The following ERGIC1 variants were observed in gnomAD, a reference collection of about 807,000 sequenced individuals.
The protein encoded by ERGIC1 is endoplasmic reticulum-Golgi intermediate compartment protein 1.
A neutral mutation model predicts 38.3 loss-of-function variants in ERGIC1; 19 were observed. That is an observed-to-expected ratio of 0.50 (90% CI 0.35 to 0.73). ERGIC1 has a LOEUF of 0.73. ERGIC1 is among the 30% of genes least tolerant of loss of function. The pLI, the probability that ERGIC1 is intolerant of heterozygous loss-of-function variation, is 0.01. For missense variants in ERGIC1, 294 were observed against 389.2 expected, an observed-to-expected ratio of 0.76 and a Z score of 2.06; for synonymous variants, 124 against 157.6, an observed-to-expected ratio of 0.79 and a Z score of 1.60.
intron 3 of ERGIC1, chr5:172,905,404 G>C (rs373793212): frequency 1.1e-4 from 49 of 453,366 alleles, no homozygotes; most frequent in African/African-American, 8.8e-4. Flanking sequence ...CCTGTTACCG[G>C]CGGGTCTTTG....
chr5:172,884,106 C>G (rs1434827147), intron 1 of ERGIC1, among the ~76,000 whole-genome samples: 1 of 152,148 alleles, frequency 6.6e-6, no homozygotes, highest in Non-Finnish European at 1.5e-5. Context: ...CTGTCTTTAT[C>G]AAAGTTTTGA....
At chr5:172,867,538 C>T (rs573358721) in intron 1 of ERGIC1, 33 of 446,088 alleles carry the variant, frequency 7.4e-5, no homozygotes, top group African/African-American at 6.0e-4. Flanking sequence ...GACAGCCAGG[C>T]AGGCCTTGGC....
chr5:172,944,907 C>T (rs892589102), intron 9 of ERGIC1, among the ~76,000 whole-genome samples: 12 of 152,270 alleles, frequency 7.9e-5, no homozygotes, highest in East Asian at 1.9e-4. Flanking sequence ...CCCACGCCCC[C>T]GGCTGACACC....
intron 5 of ERGIC1, chr5:172,920,581 G>T (rs1763486192): frequency 1.6e-6 from 1 of 627,000 alleles, no homozygotes; most frequent in Admixed American, 2.5e-5. Context: ...AAGCGTTGCT[G>T]TTTCTTTCTT....
chr5:172,873,613 G>A (rs1762071747), intron 1 of ERGIC1, among the ~76,000 whole-genome samples: 1 of 152,226 alleles, frequency 6.6e-6, no homozygotes, highest in African/African-American at 2.4e-5. Flanking sequence ...GCCCAGTGGG[G>A]AGCTTTGGGG....
intron 1 of ERGIC1, among the ~76,000 whole-genome samples, chr5:172,868,080 C>T (rs879027856): frequency 1.3e-5 from 2 of 152,214 alleles, no homozygotes; most frequent in Admixed American, 6.5e-5. Context: ...TAGTGACAGT[C>T]GCAGCGCTAG....
At chr5:172,878,476 G>C (rs972291389) in intron 1 of ERGIC1, among the ~76,000 whole-genome samples, 11 of 152,200 alleles carry the variant, frequency 7.2e-5, no homozygotes, top group Admixed American at 3.3e-4. Flanking sequence ...GGTTATGAAA[G>C]TGATCCGAGA....
At chr5:172,890,452 G>A (rs538824298) in intron 2 of ERGIC1, among the ~76,000 whole-genome samples, 3 of 152,342 alleles carry the variant, frequency 2.0e-5, no homozygotes, top group African/African-American at 7.2e-5. Flanking sequence ...CAAGTTCATG[G>A]TACTGTACTA....
intron 2 of ERGIC1, among the ~76,000 whole-genome samples, chr5:172,890,774 C>G (rs1276750095): frequency 6.6e-6 from 1 of 152,216 alleles, no homozygotes; most frequent in Non-Finnish European, 1.5e-5. Flanking sequence ...GAACTGCCCC[C>G]CTGATGGTCC....
Position 172,932,507 on chromosome 5 carries a change from T to C in ERGIC1, c.613T>C (p.Tyr205His). Reference sequence around the variant, plus strand: ...TGAGGACAAGAGTGGCAAGCAGCGGTACTCCTACCAGTACACGGTGGCCAA... The same window carrying C: ...TGAGGACAAGAGTGGCAAGCAGCGGCACTCCTACCAGTACACGGTGGCCAA... ...VYEDKSGKQR[Y>H]SYQYTVANKE... Residue 205 changes from tyrosine (Y) to histidine (H), a missense_variant, in exon 8 of 10, where the codon TAC becomes CAC. Tyr to His is a moderately conservative substitution (Grantham distance 83). Transcript: ENST00000393784. 1 of 1,614,146 alleles carries C rather than the reference T, an allele frequency of 6.2e-7. No homozygotes were observed. The highest frequency in any genetic ancestry group is 2.2e-5 in the East Asian group (1 of 44,868).
chr5:172,844,221 C>A (rs6556049), intron 1 of ERGIC1, among the ~76,000 whole-genome samples: 1,633 of 152,316 alleles, frequency 0.011, 17 homozygotes, highest in Non-Finnish European at 0.017. Context: ...GTCACACACT[C>A]AGGCGCCCCT....
chr5:172,924,214 A>C lies in ERGIC1; in HGVS notation c.480+105A>C, dbSNP rs896781755. Reference sequence around the variant, plus strand: ...TGGGCACTAGGAAGAGTTACCGTTAAGGTGACATCTAAGCCAAGCCTGGAA... The same window carrying C: ...TGGGCACTAGGAAGAGTTACCGTTACGGTGACATCTAAGCCAAGCCTGGAA... On this transcript the variant is annotated intron_variant, in intron 6 of 9. Coordinates refer to ENST00000393784, the MANE Select transcript of ERGIC1 (RefSeq NM_001031711.3). 3 of 1,094,546 alleles carry C rather than the reference A, an allele frequency of 2.7e-6. No individual in the cohort carries two copies. In the East Asian group the frequency reaches 7.7e-5, roughly 28 times the overall value. 67.8% of individuals were successfully genotyped at this position (1,094,546 alleles called of 1,614,324 possible). A position where few individuals can be genotyped will look rare whatever the true frequency, so the allele number is the denominator to read the frequency against.
rs35566639 is a variant in ERGIC1, at chr5:172,834,459, G to A, written c.20+26G>A. On this transcript the variant is annotated intron_variant, in intron 1 of 9. Coordinates refer to ENST00000393784, the MANE Select transcript of ERGIC1 (RefSeq NM_001031711.3). This position sits in a 1 kb window ranked among gnomAD's most constrained non-coding sequence, Gnocchi z 4.1. The stretch of plus-strand genomic sequence containing the variant: ...GTGAGTGTGGCGACCCCGGCCAGTC[G>A]GGAGTTCCCTCAGCGGGCAGAGGGA... 325,495 of 1,308,152 alleles carry A rather than the reference G, an allele frequency of 0.25. 41,453 individuals are homozygous for A. Among genetic ancestry groups the A allele is most frequent in the East Asian group, 0.32 (10,192 of 32,088 alleles). 81.0% of individuals were successfully genotyped at this position (1,308,152 alleles called of 1,614,324 possible). A position where few individuals can be genotyped will look rare whatever the true frequency, so the allele number is the denominator to read the frequency against.
chr5:172,932,465 A>C lies in ERGIC1; in HGVS notation c.571A>C (p.Ile191Leu). 6.2e-7 allele frequency: 1 copy of C among 1,614,138 alleles called. No homozygotes were observed. ...PLASHDYILK[I>L]VPTVYEDKSG... is the part of the protein sequence containing the mutation. ...GGCCTCCCACGACTACATCCTGAAG[A>C]TTGTGCCCACGGTTTATGAGGACAA... The change falls in exon 8 of 10, where the codon ATT becomes CTT. Residue 191 changes from isoleucine (I) to leucine (L), a missense_variant. By Grantham distance (5) the Ile-to-Leu change is conservative. This residue lies in a region of ERGIC1 where 109 missense variants were observed against 112.7 expected (regional missense o/e 0.97). Transcript: ENST00000393784.
At chr5:172,892,214 T>G (rs1053472327) in intron 2 of ERGIC1, among the ~76,000 whole-genome samples, 6 of 152,156 alleles carry the variant, frequency 3.9e-5, no homozygotes, top group African/African-American at 1.4e-4. Flanking sequence ...AAGCCAGCCC[T>G]TAGCTACCAT....
At chr5:172,948,173 G>A (rs1253458254) in intron 9 of ERGIC1, among the ~76,000 whole-genome samples, 1 of 152,090 alleles carries the variant, frequency 6.6e-6, no homozygotes, top group South Asian at 2.1e-4. Flanking sequence ...CTGGGGGGCC[G>A]CTCCGGTTTC....
In ERGIC1 at chr5:172,898,250, CATT is replaced by C. The variant is rs111848661; in HGVS notation, c.155+1179_155+1181del. The C allele has an allele frequency of 6.2e-3, 1,143 of 183,332 alleles. 9 individuals are homozygous for C. The highest frequency in any genetic ancestry group is 0.024 in the African/African-American group (1,045 of 42,912). The allele number at this position is 183,332 out of a possible 1,614,324, so 11.4% of individuals were successfully genotyped here. A position where few individuals can be genotyped will look rare whatever the true frequency, so the allele number is the denominator to read the frequency against. On this transcript the variant is annotated intron_variant, in intron 3 of 9. Transcript: ENST00000393784. ...TAGCTGCTTAGCCCAAGAAGACTCT[CATT>C]ATACAAGCATTACCACCTTTAGTTC... is the stretch of plus-strand genomic sequence containing the variant.
Position 172,946,224 on chromosome 5 carries a change from C to T in ERGIC1, c.766-4485C>T, listed in dbSNP as rs530735426. 2.3e-4 allele frequency among the ~76,000 whole-genome samples: 35 copies of T among 152,308 alleles called. 1 individual carries two copies. In the South Asian group the frequency reaches 6.8e-3, roughly 30 times the overall value. On this transcript the variant is annotated intron_variant, in intron 9 of 9. Coordinates refer to ENST00000393784, the MANE Select transcript of ERGIC1 (RefSeq NM_001031711.3). Reference sequence around the variant, plus strand: ...TCCCCTGGAGAGGCCCAGCTCTCCTCGCTCCTCTGTGTGAACAGCAACAGG... The same window carrying T: ...TCCCCTGGAGAGGCCCAGCTCTCCTTGCTCCTCTGTGTGAACAGCAACAGG...
At chr5:172,859,935 A>G (rs1395950469) in intron 1 of ERGIC1, among the ~76,000 whole-genome samples, 2 of 152,186 alleles carry the variant, frequency 1.3e-5, no homozygotes, top group Non-Finnish European at 2.9e-5. Flanking sequence ...TCTTGCCTTT[A>G]AGCTGTGCTT....
Sources: gnomAD v4.1 joint callset for allele counts (sites outside exome capture counted in the v4.1 genomes callset) on GRCh38, gnomAD v4.1.1 for gene constraint, gnomAD v4.1.1 regional missense constraint, Gnocchi (gnomAD v3.1) non-coding constraint, MANE v1.5 for transcripts, NCBI Gene and HGNC (gene_info 2026-07-23, HGNC 2026-07-21) for gene names.